The following MMUT variants were observed in gnomAD, a reference collection of about 807,000 sequenced individuals.
The protein encoded by MMUT is methylmalonyl-CoA mutase, also known as methylmalonyl-CoA mutase, mitochondrial.
A neutral mutation model predicts 79.9 loss-of-function variants in MMUT; 79 were observed. That is an observed-to-expected ratio of 0.99 (90% CI 0.82 to 1.19). The LOEUF (loss-of-function observed/expected upper bound fraction) is 1.19. Among genes scored for constraint, MMUT ranks in the 50% most tolerant of loss-of-function variants. MMUT has a pLI of 0.00. For synonymous variants in MMUT, 273 were observed against 295.7 expected, an observed-to-expected ratio of 0.92 and a Z score of 0.79; for missense variants, 860 against 917.2, an observed-to-expected ratio of 0.94 and a Z score of 0.81.
chr6:49,434,489 A>G (rs559453640), intron 12 of MMUT, among the ~76,000 whole-genome samples: 4 of 152,252 alleles, frequency 2.6e-5, no homozygotes, highest in South Asian at 4.2e-4. Flanking sequence ...TTACTGATGG[A>G]TTCCTGCTAT....
At chr6:49,446,888 C>T (rs953529063) in intron 8 of MMUT, among the ~76,000 whole-genome samples, 4 of 151,446 alleles carry the variant, frequency 2.6e-5, no homozygotes, top group Non-Finnish European at 5.9e-5. Flanking sequence ...AAAAGCCATA[C>T]ATTAAACAAT....
Position 49,431,037 on chromosome 6 carries a change from A to G in MMUT, c.*691T>C, listed in dbSNP as rs886061554. The G allele has an allele frequency of 6.6e-6, 1 of 152,200 alleles. No homozygotes were observed. 9.4% of individuals were successfully genotyped at this position (152,200 alleles called of 1,614,324 possible). On this transcript the variant is annotated 3_prime_UTR_variant, in exon 13 of 13. Coordinates refer to ENST00000274813, the MANE Select transcript of MMUT (RefSeq NM_000255.4). ...CCATAACTACAACCTAAGCACTTTT[A>G]TTTAAAGGAATGTTCATCAACATCC...
At chr6:49,437,676 C>T (rs1410186559) in intron 11 of MMUT, among the ~76,000 whole-genome samples, 1 of 152,034 alleles carries the variant, frequency 6.6e-6, no homozygotes, top group African/African-American at 2.4e-5. Context: ...GTAGTCCCTC[C>T]ATTAAATTTT....
At chr6:49,434,699 T>C (rs1767078103) in intron 12 of MMUT, among the ~76,000 whole-genome samples, 1 of 152,174 alleles carries the variant, frequency 6.6e-6, no homozygotes, top group South Asian at 2.1e-4. Context: ...GTGGAAGGTG[T>C]CTCCCTACCT....
At chr6:49,450,550 T>A (rs1424569573) in intron 6 of MMUT, among the ~76,000 whole-genome samples, 1 of 152,016 alleles carries the variant, frequency 6.6e-6, no homozygotes, top group Non-Finnish European at 1.5e-5. Context: ...AAATTTCTGA[T>A]CAGAAATATT....
intron 12 of MMUT, among the ~76,000 whole-genome samples, chr6:49,432,058 A>T (rs1231309328): frequency 6.6e-6 from 1 of 152,156 alleles, no homozygotes; most frequent in Non-Finnish European, 1.5e-5. Flanking sequence ...CAAGTTATTT[A>T]AAAAACAAAA....
chr6:49,461,989 A>G (rs1390491672), intron 1 of MMUT, among the ~76,000 whole-genome samples: 1 of 152,206 alleles, frequency 6.6e-6, no homozygotes, highest in Non-Finnish European at 1.5e-5. Flanking sequence ...TTGGCAGGAA[A>G]TATCACACTC....
At chr6:49,461,535 G>A (rs1169425281) in intron 1 of MMUT, among the ~76,000 whole-genome samples, 2 of 152,272 alleles carry the variant, frequency 1.3e-5, no homozygotes, top group South Asian at 2.1e-4. Context: ...TCAGGAGGCC[G>A]AGGCAGGTGG....
intron 5 of MMUT, among the ~76,000 whole-genome samples, chr6:49,453,035 C>G (rs1214207466): frequency 2.6e-5 from 3 of 117,036 alleles, no homozygotes; most frequent in African/African-American, 3.1e-5. Flanking sequence ...TTCTTTCTTT[C>G]TTTGTTTTTT....
chr6:49,444,173 G>C (rs74987455), intron 9 of MMUT, among the ~76,000 whole-genome samples: 2 of 152,082 alleles, frequency 1.3e-5, no homozygotes, highest in East Asian at 1.9e-4. Context: ...AGGACTGGGA[G>C]GGGGGTGTGG....
At chr6:49,461,896 G>T (rs1002288551) in intron 1 of MMUT, among the ~76,000 whole-genome samples, 1 of 152,056 alleles carries the variant, frequency 6.6e-6, no homozygotes, top group Non-Finnish European at 1.5e-5. Context: ...AAAGGTGGAT[G>T]AAAAAAATAA....
intron 11 of MMUT, among the ~76,000 whole-genome samples, chr6:49,435,865 G>A (rs971807751): frequency 1.3e-5 from 2 of 152,170 alleles, no homozygotes; most frequent in Admixed American, 6.5e-5. Flanking sequence ...TACAGAATGG[G>A]AGAAAACTTT....
chr6:49,461,031 T>G (rs1767826485), intron 1 of MMUT, among the ~76,000 whole-genome samples: 1 of 152,182 alleles, frequency 6.6e-6, no homozygotes, highest in Admixed American at 6.5e-5. Context: ...TAGAGAAAAC[T>G]TAGGAAAATC....
rs199992904 is a variant in MMUT at position 49,459,068 on chromosome 6, C to T, written c.385+14G>A. On this transcript the variant is annotated intron_variant, in intron 2 of 12. Coordinates refer to ENST00000274813, the MANE Select transcript of MMUT (RefSeq NM_000255.4). ...GACTTATCATAAATATTATGTCTTA[C>T]ATTAAAATCTCACCCTTAATGTTGT... The T allele has an allele frequency of 2.2e-5, 35 of 1,612,510 alleles. No individual in the cohort carries two copies. In the African/African-American group the frequency reaches 4.5e-4, roughly 21 times the overall value.
chr6:49,444,777 G>A (rs1054219157), intron 8 of MMUT, 23 bp from the exon 9 acceptor site: 2 of 1,553,234 alleles, frequency 1.3e-6, no homozygotes, highest in Non-Finnish European at 1.8e-6. Context: ...TCAAGGAAAG[G>A]GACAATTTAC....
chr6:49,435,229 C>G (rs567602884), intron 12 of MMUT, among the ~76,000 whole-genome samples: 35 of 152,272 alleles, frequency 2.3e-4, no homozygotes, highest in South Asian at 1.9e-3. Flanking sequence ...AGGTAGTTCT[C>G]TCATTGAAGC....
At chr6:49,450,354 A>G (rs1767521095) in intron 6 of MMUT, among the ~76,000 whole-genome samples, 2 of 152,238 alleles carry the variant, frequency 1.3e-5, no homozygotes, top group South Asian at 4.1e-4. Context: ...AATACTGTCA[A>G]AGAAATAATA....
intron 11 of MMUT, among the ~76,000 whole-genome samples, chr6:49,437,458 T>A (rs1180188377): frequency 6.6e-6 from 1 of 152,028 alleles, no homozygotes; most frequent in Non-Finnish European, 1.5e-5. Flanking sequence ...TATATAAATA[T>A]AGGGAGTGAT....
At position 49,456,354 on chromosome 6, in the gene MMUT, G is replaced by A. The variant is rs1005842809; in HGVS notation, c.754-117C>T. On this transcript the variant is annotated intron_variant, in intron 3 of 12. Transcript: ENST00000274813. Reference sequence around the variant, plus strand: ...ATGATGTTAAATTCAAATAAACTTGGTAGTTCATAATGTTAACAAAATATT... The same window carrying A: ...ATGATGTTAAATTCAAATAAACTTGATAGTTCATAATGTTAACAAAATATT... The A allele has an allele frequency of 9.1e-6, 7 of 766,408 alleles. No individual in the cohort carries two copies. The African/African-American group carries it at 1.1e-4, about 12-fold the overall frequency. 47.5% of individuals were successfully genotyped at this position (766,408 alleles called of 1,614,324 possible).
Sources: gnomAD v4.1 joint callset for allele counts (sites outside exome capture counted in the v4.1 genomes callset) on GRCh38, gnomAD v4.1.1 for gene constraint, MANE v1.5 for transcripts, NCBI Gene and HGNC (gene_info 2026-07-23, HGNC 2026-07-21) for gene names.